SOX5: variants seen among roughly 807,000 people sequenced by gnomAD.
SOX5 encodes SRY-box transcription factor 5.
SOX5 carries 9 observed loss-of-function variants against 92.0 expected under a neutral mutation model. That is an observed-to-expected ratio of 0.10 (90% confidence interval 0.06 to 0.17). The LOEUF is 0.17. Ranked by LOEUF, SOX5 falls within the 10% of genes least tolerant of loss-of-function variation. The pLI, the probability that SOX5 is intolerant of heterozygous loss-of-function variation, is 1.00. For missense variants in SOX5, 642 were observed against 944.5 expected (o/e 0.68, Z 4.20); for synonymous variants, 344 against 336.3 (o/e 1.02, Z -0.25).
intron 9 of SOX5, among the ~76,000 whole-genome samples, chr12:23,585,757 CAT>C (rs1223612207): frequency 6.6e-6 from 1 of 152,078 alleles, no homozygotes; most frequent in East Asian, 1.9e-4. Context: ...AAGCTGCAAA[CAT>C]AGATAAGCAA....
chr12:23,810,126 A>G (rs1326559472), intron 3 of SOX5, among the ~76,000 whole-genome samples: 1 of 152,180 alleles, frequency 6.6e-6, no homozygotes, highest in African/African-American at 2.4e-5. Context: ...AGCAGGTGCA[A>G]TACTATCTTC....
chr12:23,801,750 C>T (rs960109055), intron 3 of SOX5, among the ~76,000 whole-genome samples: 4 of 152,010 alleles, frequency 2.6e-5, no homozygotes, highest in African/African-American at 9.7e-5. Context: ...GATTTGGATT[C>T]CAACCCTACG....
chr12:24,348,049 C>CAAAAAACAA (rs1953542758), intron 2 of SOX5, among the ~76,000 whole-genome samples: 1 of 72,722 alleles, frequency 1.4e-5, no homozygotes, highest in Non-Finnish European at 2.9e-5. Flanking sequence ...TACAGCTAAT[C>CAAAAAACAA]AAAAAAAAAA....
chr12:24,284,283 C>A (rs1410011253), intron 2 of SOX5, among the ~76,000 whole-genome samples: 7 of 152,124 alleles, frequency 4.6e-5, no homozygotes, highest in Admixed American at 2.6e-4. Flanking sequence ...TTTGCCCATA[C>A]CCTGCTCTGC....
chr12:24,084,722 T>C (rs1286983106), intron 4 of SOX5, among the ~76,000 whole-genome samples: 1 of 151,908 alleles, frequency 6.6e-6, no homozygotes. Flanking sequence ...CTAATCATCT[T>C]CTCCCTCCCA....
intron 1 of SOX5, among the ~76,000 whole-genome samples, chr12:24,442,222 T>A (rs748116428): frequency 6.6e-6 from 1 of 152,238 alleles, no homozygotes; most frequent in African/African-American, 2.4e-5. Flanking sequence ...ATTTAGAGTA[T>A]ACAGCCTATA....
intron 4 of SOX5, among the ~76,000 whole-genome samples, chr12:24,149,576 C>G (rs1166834558): frequency 3.3e-5 from 5 of 152,260 alleles, no homozygotes; most frequent in African/African-American, 1.2e-4. Context: ...ACTGGAAATA[C>G]TATTGTATTC....
chr12:24,519,951 T>A (rs1314583178), intron 1 of SOX5, among the ~76,000 whole-genome samples: 1 of 151,628 alleles, frequency 6.6e-6, no homozygotes, highest in African/African-American at 2.4e-5. Flanking sequence ...TTGTCACATA[T>A]AAGGGGCCTA....
chr12:24,419,825 A>G (rs1039043962), intron 1 of SOX5, among the ~76,000 whole-genome samples: 3 of 152,244 alleles, frequency 2.0e-5, no homozygotes, highest in Admixed American at 6.5e-5. Context: ...AAATAAAACA[A>G]TGCATATCCA....
chr12:24,106,920 G>T (rs902674429), intron 4 of SOX5, among the ~76,000 whole-genome samples: 1 of 151,514 alleles, frequency 6.6e-6, no homozygotes, highest in Admixed American at 6.6e-5. Flanking sequence ...TGATTAGCTG[G>T]TTTCCAACAT....
intron 7 of SOX5, among the ~76,000 whole-genome samples, chr12:23,654,435 TG>T: frequency 6.6e-6 from 1 of 152,190 alleles, no homozygotes; most frequent in African/African-American, 2.4e-5. Context: ...CACCTGCACT[TG>T]GTCATTGTAT....
chr12:23,553,320 T>C (rs760020960), intron 11 of SOX5, among the ~76,000 whole-genome samples: 3 of 151,976 alleles, frequency 2.0e-5, no homozygotes, highest in African/African-American at 4.8e-5. Flanking sequence ...CCATTCAACA[T>C]TATGAATTTA....
At chr12:24,127,347 C>T (rs371398111) in intron 4 of SOX5, among the ~76,000 whole-genome samples, 6 of 151,138 alleles carry the variant, frequency 4.0e-5, no homozygotes, top group African/African-American at 1.5e-4. Flanking sequence ...GCTGAGACTG[C>T]CCCACTGCAT....
intron 3 of SOX5, among the ~76,000 whole-genome samples, chr12:23,822,087 T>C (rs2096130562): frequency 6.6e-6 from 1 of 152,198 alleles, no homozygotes; most frequent in Non-Finnish European, 1.5e-5. Flanking sequence ...CCTAGATTCA[T>C]TGATTTTTTG....
chr12:24,339,286 CAAGAA>C (rs1366388123), intron 2 of SOX5, among the ~76,000 whole-genome samples: 1 of 151,640 alleles, frequency 6.6e-6, no homozygotes, highest in Non-Finnish European at 1.5e-5. Flanking sequence ...TCTGGAGAAT[CAAGAA>C]AAGATTCATG....
intron 4 of SOX5, among the ~76,000 whole-genome samples, chr12:23,986,611 T>C (rs574197334): frequency 1.2e-4 from 18 of 152,326 alleles, no homozygotes; most frequent in African/African-American, 3.8e-4. Flanking sequence ...AATCAACCAG[T>C]TGACCACATG....
intron 8 of SOX5, among the ~76,000 whole-genome samples, chr12:23,628,047 G>A (rs2078061814): frequency 6.6e-6 from 1 of 151,988 alleles, no homozygotes; most frequent in Non-Finnish European, 1.5e-5. Flanking sequence ...ACCAGCAGCA[G>A]CATAAATCAA....
intron 2 of SOX5, among the ~76,000 whole-genome samples, chr12:24,298,950 G>C (rs1947639723): frequency 6.6e-6 from 1 of 151,916 alleles, no homozygotes; most frequent in South Asian, 2.1e-4. Flanking sequence ...ATTAGAAAAA[G>C]ATGGCCAGGA....
At chr12:23,741,560 T>C (rs1331872541) in intron 4 of SOX5, among the ~76,000 whole-genome samples, 1 of 152,126 alleles carries the variant, frequency 6.6e-6, no homozygotes, top group African/African-American at 2.4e-5. Context: ...GCATTAGTAT[T>C]AGTGATATGA....
Sources: gnomAD v4.1 joint callset for allele counts (sites outside exome capture counted in the v4.1 genomes callset) on GRCh38, gnomAD v4.1.1 for gene constraint, MANE v1.5 for transcripts, NCBI Gene and HGNC (gene_info 2026-07-23, HGNC 2026-07-21) for gene names.